The following PLCB4 variants were observed in gnomAD, a reference collection of about 807,000 sequenced individuals.
PLCB4 encodes phospholipase C beta 4.
In PLCB4, 77 loss-of-function variants were observed where a neutral mutation model predicts 178.8. That is an observed-to-expected ratio of 0.43 (90% confidence interval 0.36 to 0.52). The LOEUF (loss-of-function observed/expected upper bound fraction) is 0.52, where lower values mean the gene tolerates loss of function less well. Among genes scored for constraint, PLCB4 ranks in the 20% least tolerant of loss-of-function variants. The probability of loss-of-function intolerance (pLI) is 0.00; values close to 1 mark genes in which losing one functional copy is unlikely to be tolerated. For synonymous variants in PLCB4, 496 were observed against 490.8 expected (o/e 1.01, Z -0.14); for missense variants, 1,024 against 1,453.4 (o/e 0.70, Z 4.80).
rs770666840 is a variant in PLCB4 at position 9,337,116 on chromosome 20, T to A, written c.85-10T>A. ...TGAGTCATGAAGATCAACACATTTC[T>A]TTTTGACAGGAATCCTTTGTGTTTG... On this transcript the variant is annotated splice_polypyrimidine_tract_variant and intron_variant, in intron 4 of 39. Transcript: ENST00000378473. 6.3e-7 allele frequency: 1 copy of A among 1,597,484 alleles called. No individual in the cohort carries two copies. The highest frequency in any genetic ancestry group is 8.6e-7 in the Non-Finnish European group (1 of 1,165,074).
intron 36 of PLCB4, 99 bp downstream of exon 36, chr20:9,468,771 A>G (rs901710438): frequency 1.5e-6 from 1 of 660,416 alleles, no homozygotes; most frequent in Non-Finnish European, 2.7e-6. Context: ...CTGAGACAGC[A>G]AAACACTTGT....
intron 3 of PLCB4, among the ~76,000 whole-genome samples, chr20:9,279,757 G>T (rs1244411933): frequency 6.6e-6 from 1 of 151,990 alleles, no homozygotes; most frequent in South Asian, 2.1e-4. Context: ...TGAAACCACT[G>T]GCTAACGTTT....
chr20:9,424,672 C>G (rs1181917940), intron 28 of PLCB4, among the ~76,000 whole-genome samples: 3 of 152,150 alleles, frequency 2.0e-5, no homozygotes, highest in Non-Finnish European at 4.4e-5. Flanking sequence ...ACCTCTCAAA[C>G]CCCTCATTTC....
At chr20:9,361,170 G>A (rs772159858) in intron 7 of PLCB4, among the ~76,000 whole-genome samples, 1 of 152,154 alleles carries the variant, frequency 6.6e-6, no homozygotes, top group Non-Finnish European at 1.5e-5. Context: ...TCCACATCTG[G>A]TTATTTATCC....
chr20:9,451,597 A>C (rs1396523286), intron 32 of PLCB4, among the ~76,000 whole-genome samples: 1 of 152,216 alleles, frequency 6.6e-6, no homozygotes, highest in Non-Finnish European at 1.5e-5. Flanking sequence ...GGATACATCA[A>C]CATGTTCCTC....
intron 28 of PLCB4, among the ~76,000 whole-genome samples, chr20:9,432,704 A>G (rs1352547441): frequency 6.6e-6 from 1 of 152,184 alleles, no homozygotes; most frequent in Non-Finnish European, 1.5e-5. Context: ...GTGCTGAAGG[A>G]CCTTAATCAT....
At chr20:9,249,680 A>G (rs1049111766) in intron 3 of PLCB4, among the ~76,000 whole-genome samples, 6 of 152,084 alleles carry the variant, frequency 3.9e-5, no homozygotes, top group African/African-American at 1.4e-4. Flanking sequence ...GCATTAGGAA[A>G]TGGCTGTCTT....
intron 4 of PLCB4, among the ~76,000 whole-genome samples, chr20:9,322,975 C>T (rs959287502): frequency 1.3e-5 from 2 of 152,156 alleles, no homozygotes; most frequent in Non-Finnish European, 2.9e-5. Flanking sequence ...CCTCGCATTG[C>T]CATCATAAGG....
At chr20:9,410,149 T>G (rs2039756353) in intron 24 of PLCB4, among the ~76,000 whole-genome samples, 1 of 152,352 alleles carries the variant, frequency 6.6e-6, no homozygotes, top group African/African-American at 2.4e-5. Context: ...GAGTGTGAGC[T>G]GACTGTGCTT....
intron 4 of PLCB4, among the ~76,000 whole-genome samples, chr20:9,324,431 AAACAACAACAAC>A: frequency 6.6e-6 from 1 of 152,052 alleles, no homozygotes; most frequent in South Asian, 2.1e-4. Context: ...TCTGTCTCAA[AAACAACAACAAC>A]AACAACAACA....
chr20:9,196,750 G>A (rs568897632), intron 2 of PLCB4, among the ~76,000 whole-genome samples: 1 of 152,136 alleles, frequency 6.6e-6, no homozygotes, highest in Admixed American at 6.5e-5. Context: ...CCTATCTTTG[G>A]TGGGTTGGAG....
At chr20:9,290,670 A>C (rs2094572598) in intron 3 of PLCB4, among the ~76,000 whole-genome samples, 1 of 152,154 alleles carries the variant, frequency 6.6e-6, no homozygotes, top group Admixed American at 6.6e-5. Context: ...TTACTCTGTC[A>C]GTTACTCTTC....
intron 28 of PLCB4, 103 bp downstream of exon 28, chr20:9,424,055 C>T: frequency 1.3e-6 from 1 of 756,306 alleles, no homozygotes; most frequent in Admixed American, 2.2e-5. Flanking sequence ...AAAATACTGT[C>T]TATTCCTGCT....
chr20:9,436,598 C>A (rs1214673970), intron 29 of PLCB4, among the ~76,000 whole-genome samples: 1 of 152,200 alleles, frequency 6.6e-6, no homozygotes, highest in East Asian at 1.9e-4. Context: ...AAGCAATCCT[C>A]CCACCTTGAC....
At chr20:9,364,307 C>T (rs1175053890) in intron 8 of PLCB4, among the ~76,000 whole-genome samples, 1 of 152,204 alleles carries the variant, frequency 6.6e-6, no homozygotes, top group Non-Finnish European at 1.5e-5. Flanking sequence ...ATATCTCTAT[C>T]TGACATGAGA....
chr20:9,431,121 C>T (rs2041364681), intron 28 of PLCB4, among the ~76,000 whole-genome samples: 1 of 152,154 alleles, frequency 6.6e-6, no homozygotes, highest in African/African-American at 2.4e-5. Flanking sequence ...GCCATGCCCT[C>T]TCTGAAGGCT....
chr20:9,426,721 A>G (rs2054169333), intron 28 of PLCB4, among the ~76,000 whole-genome samples: 1 of 152,072 alleles, frequency 6.6e-6, no homozygotes, highest in Non-Finnish European at 1.5e-5. Context: ...CTATACTGCT[A>G]ATTTGGAATT....
chr20:9,203,018 A>G (rs1274152041), intron 2 of PLCB4, among the ~76,000 whole-genome samples: 1 of 144,326 alleles, frequency 6.9e-6, no homozygotes, highest in Non-Finnish European at 1.5e-5. Flanking sequence ...CATGGAACAG[A>G]TGGTTGACCA....
chr20:9,231,120 G>A (rs984281428), intron 3 of PLCB4, among the ~76,000 whole-genome samples: 4 of 152,150 alleles, frequency 2.6e-5, no homozygotes, highest in East Asian at 1.9e-4. Flanking sequence ...TCTTAACAAC[G>A]TTGGTTGGCT....
Sources: allele counts gnomAD v4.1 joint callset (sites outside exome capture counted in the v4.1 genomes callset), GRCh38; gene constraint gnomAD v4.1.1; transcripts MANE v1.5; gene names NCBI Gene and HGNC (gene_info 2026-07-23, HGNC 2026-07-21).